SNED1: variants seen among roughly 807,000 people sequenced by gnomAD.
SNED1 encodes sushi, nidogen and EGF like domains 1.
In SNED1, 81 loss-of-function variants were observed where a neutral mutation model predicts 166.7. The ratio of observed to expected loss-of-function variants is 0.49; its 90% CI spans 0.41 to 0.58. SNED1 has a LOEUF of 0.58. Among genes scored for constraint, SNED1 ranks in the 20% least tolerant of loss-of-function variants. The pLI is 0.00. For synonymous variants in SNED1, 762 were observed against 822.0 expected (o/e 0.93, Z 1.25); for missense variants, 1,604 against 2,000.2 (o/e 0.80, Z 3.78).
chr2:241,039,332 C>T (rs1418607817), intron 6 of SNED1, among the ~76,000 whole-genome samples: 1 of 152,194 alleles, frequency 6.6e-6, no homozygotes, highest in Admixed American at 6.5e-5. Context: ...AAAGAGAGGG[C>T]CCCACCATTC....
chr2:241,012,750 G>A (rs181098741), intron 1 of SNED1, among the ~76,000 whole-genome samples: 26 of 151,660 alleles, frequency 1.7e-4, no homozygotes, highest in African/African-American at 5.3e-4. Context: ...GTGTGTGCAC[G>A]TGTGTGACAA....
chr2:241,088,039 C>G (rs963043686), intron 30 of SNED1: 1 of 413,658 alleles, frequency 2.4e-6, no homozygotes, highest in Non-Finnish European at 4.3e-6. Flanking sequence ...AGCTCACCAG[C>G]CGTGCTGCTC....
chr2:241,048,729 G>A lies in SNED1; in HGVS notation c.1467G>A (p.Gln489=), dbSNP rs572486397. The A allele has an allele frequency of 4.8e-5, 77 of 1,612,840 alleles. No individual in the cohort carries two copies. The South Asian group carries it at 8.3e-4, about 17-fold the overall frequency. ...RCLGANTTLC[Q]CPLGFFGLLC... is the part of the protein sequence containing the mutation. The stretch of plus-strand genomic sequence containing the variant: ...TGGGCGCCAACACCACCCTCTGCCA[G>A]TGCCCCCTGGGATTCTTTGGGCTTC... The change falls in exon 10 of 32, where the codon CAG becomes CAA. Residue 489 remains glutamine, a synonymous_variant. Transcript: ENST00000310397.
intron 16 of SNED1, among the ~76,000 whole-genome samples, chr2:241,060,791 C>A (rs564289815): frequency 1.1e-4 from 16 of 152,080 alleles, no homozygotes; most frequent in Non-Finnish European, 1.9e-4. Flanking sequence ...ATTAACCAGG[C>A]GTAGTGGCAT....
intron 1 of SNED1, among the ~76,000 whole-genome samples, chr2:241,027,717 C>G (rs1276751557): frequency 6.6e-6 from 1 of 150,918 alleles, no homozygotes; most frequent in East Asian, 1.9e-4. Context: ...TTCACCAACC[C>G]TTGTTATTTT....
At chr2:241,025,745 C>T (rs1401184556) in intron 1 of SNED1, among the ~76,000 whole-genome samples, 1 of 152,052 alleles carries the variant, frequency 6.6e-6, no homozygotes, top group Non-Finnish European at 1.5e-5. Flanking sequence ...GGATATAAGA[C>T]TTTATGTTGG....
chr2:241,016,853 T>TC (rs2060611293), intron 1 of SNED1, among the ~76,000 whole-genome samples: 1 of 148,044 alleles, frequency 6.8e-6, no homozygotes, highest in East Asian at 2.0e-4. Context: ...TTTCTTTCTT[T>TC]TTTTTTTTTT....
rs2059996264 is a variant in SNED1 at position 240,998,974 on chromosome 2, A to G, written c.137A>G (p.Gln46Arg). 2.3e-6 allele frequency: 3 copies of G among 1,324,542 alleles called. No individual in the cohort carries two copies. Among genetic ancestry groups the G allele is most frequent in the Non-Finnish European group, 1.9e-6 (2 of 1,034,310 alleles). The allele number at this position is 1,324,542 out of a possible 1,614,324, so 82.0% of individuals were successfully genotyped here. A position where few individuals can be genotyped will look rare whatever the true frequency, so the allele number is the denominator to read the frequency against. The change falls in exon 1 of 32, where the codon CAG becomes CGG. Residue 46 changes from glutamine (Q) to arginine (R), a missense_variant. Gln to Arg is a conservative substitution (Grantham distance 43, BLOSUM62 1). This residue lies in a region of SNED1 where 1,237 missense variants were observed against 1,620.8 expected (regional missense o/e 0.76). Transcript: ENST00000310397. Reference protein sequence around the residue: ...AERGDAVTPKQDDGGSGLRPL... With the variant: ...AERGDAVTPKRDDGGSGLRPL... Reference sequence around the variant, plus strand: ...CGCGGCGACGCCGTCACCCCCAAGCAGGACGACGGCGGCTCGGGGCTGCGG... The same window carrying G: ...CGCGGCGACGCCGTCACCCCCAAGCGGGACGACGGCGGCTCGGGGCTGCGG...
intron 16 of SNED1, among the ~76,000 whole-genome samples, chr2:241,057,412 T>TATATATGC (rs1553574678): frequency 9.4e-4 from 122 of 129,374 alleles, no homozygotes; most frequent in African/African-American, 3.4e-3. Context: ...TATATATATA[T>TATATATGC]GCCATACGCA....
chr2:241,069,827 G>C lies in SNED1; in HGVS notation c.3308-93G>C, dbSNP rs2062624954. 2.1e-6 allele frequency: 3 copies of C among 1,428,354 alleles called. No individual in the cohort carries two copies. Among genetic ancestry groups the C allele is most frequent in the Non-Finnish European group, 2.9e-6 (3 of 1,050,254 alleles). The allele number at this position is 1,428,354 out of a possible 1,614,324, so 88.5% of individuals were successfully genotyped here. A position where few individuals can be genotyped will look rare whatever the true frequency, so the allele number is the denominator to read the frequency against. On this transcript the variant is annotated intron_variant, in intron 23 of 31. Transcript: ENST00000310397. The surrounding 1 kb of genome is among the most constrained non-coding windows in gnomAD (Gnocchi z 4.9). ...AATAAAGAATCTGGCTTCCAGCAAG[G>C]CTGCGGCAGCCCATGTCCGGTTCTC...
Position 241,069,284 on chromosome 2 carries a change from A to T in SNED1, c.3307+261A>T, listed in dbSNP as rs1457482505. Among the ~76,000 whole-genome samples, 1 of 152,134 alleles carries T rather than the reference A, an allele frequency of 6.6e-6. No individual in the cohort carries two copies. The highest frequency in any genetic ancestry group is 1.5e-5 in the Non-Finnish European group (1 of 68,006). On this transcript the variant is annotated intron_variant, in intron 23 of 31. Coordinates refer to ENST00000310397, the MANE Select transcript of SNED1 (RefSeq NM_001080437.3). The surrounding 1 kb of genome is among the most constrained non-coding windows in gnomAD (Gnocchi z 4.9). ...CCTCAGCATGGAGTTCCTACTGGACACCGACCAGAGGGCCAGAGGACCTCA... is the reference window on the plus strand; with the variant it reads ...CCTCAGCATGGAGTTCCTACTGGACTCCGACCAGAGGGCCAGAGGACCTCA...
intron 4 of SNED1, chr2:241,035,590 C>T (rs1311395705): frequency 1.3e-5 from 2 of 152,312 alleles, no homozygotes; most frequent in African/African-American, 2.4e-5. Flanking sequence ...GCCCCAGACT[C>T]GCCTCCCAGC....
chr2:241,029,469 G>A (rs1056883204), intron 1 of SNED1, among the ~76,000 whole-genome samples: 1 of 152,076 alleles, frequency 6.6e-6, no homozygotes, highest in African/African-American at 2.4e-5. Context: ...TACCTTTATT[G>A]CCTAATCACC....
At chr2:241,061,585 T>G (rs1390637622) in intron 16 of SNED1, among the ~76,000 whole-genome samples, 2 of 152,118 alleles carry the variant, frequency 1.3e-5, no homozygotes, top group African/African-American at 4.8e-5. Context: ...CAGCAACATT[T>G]TTTGTAAAAG....
intron 6 of SNED1, among the ~76,000 whole-genome samples, chr2:241,039,562 A>G (rs1038335024): frequency 1.3e-5 from 2 of 151,970 alleles, no homozygotes; most frequent in African/African-American, 2.4e-5. Flanking sequence ...GGGCTCCCCT[A>G]GCTCACTCCC....
chr2:241,014,610 T>C (rs1415199489), intron 1 of SNED1, among the ~76,000 whole-genome samples: 1 of 152,250 alleles, frequency 6.6e-6, no homozygotes, highest in Non-Finnish European at 1.5e-5. Flanking sequence ...TACAGAGTTA[T>C]CTTCTTTCTC....
chr2:241,076,829 G>C (rs6736847), intron 27 of SNED1, among the ~76,000 whole-genome samples: 40,161 of 151,902 alleles, frequency 0.26, 7,026 homozygotes, highest in African/African-American at 0.5. Context: ...CAGTGGCTCA[G>C]GCCTGTAATC....
Position 241,082,309 on chromosome 2 carries a change from C to A in SNED1, c.4066C>A (p.Leu1356Met). 1 of 1,613,674 alleles carries A rather than the reference C, an allele frequency of 6.2e-7. No individual in the cohort carries two copies. ...CIKVSRPCTR[L>M]FSETKAFPVW... ...AAAGGTGTCCCGCCCCTGCACAAGG[C>A]TGTTCTCCGAGACAAAGGCCTTTCC... Residue 1356 changes from leucine (L) to methionine (M), a missense_variant, in exon 29 of 32, where the codon CTG (leucine) becomes ATG (methionine). By Grantham distance (15) the Leu-to-Met change is conservative. Around this residue, in one of 2 missense-constraint regions of SNED1, gnomAD observed 367 missense variants for 379.4 expected, o/e 0.97. Transcript: ENST00000310397.
intron 27 of SNED1, among the ~76,000 whole-genome samples, chr2:241,077,184 A>G (rs1371161883): frequency 2.6e-5 from 4 of 152,330 alleles, no homozygotes; most frequent in African/African-American, 9.6e-5. Context: ...GAATAGTCTC[A>G]GCAAATGGTG....
Sources: allele counts gnomAD v4.1 joint callset (sites outside exome capture counted in the v4.1 genomes callset), GRCh38; gene constraint gnomAD v4.1.1; regional missense constraint gnomAD v4.1.1; non-coding constraint Gnocchi (gnomAD v3.1); transcripts MANE v1.5; gene names NCBI Gene and HGNC (gene_info 2026-07-23, HGNC 2026-07-21).